Variants in PDC observed in about 807,000 individuals in gnomAD.
The protein encoded by PDC is 33 kDa phototransducing protein.
In PDC, 19 loss-of-function variants were observed where a neutral mutation model predicts 22.2. The observed-to-expected ratio is 0.86, with a 90% CI of 0.60 to 1.26. The LOEUF (loss-of-function observed/expected upper bound fraction) is 1.26, where lower values mean the gene tolerates loss of function less well. PDC is among the 50% of genes most tolerant of loss of function. The pLI is 0.00. For missense variants in PDC, 274 were observed against 286.8 expected, an observed-to-expected ratio of 0.96 and a Z score of 0.32; for synonymous variants, 97 against 96.2, an observed-to-expected ratio of 1.01 and a Z score of -0.05.
At chr1:186,459,744 G>GTA (rs1283671663) in intron 1 of PDC, among the ~76,000 whole-genome samples, 2 of 50,864 alleles carry the variant, frequency 3.9e-5, no homozygotes, top group Non-Finnish European at 7.0e-5. Flanking sequence ...GACAATATGT[G>GTA]TGTGTGTGTA....
intron 1 of PDC, chr1:186,451,779 G>A (rs1350821409): frequency 6.6e-6 from 1 of 152,132 alleles, no homozygotes; most frequent in Non-Finnish European, 1.5e-5. Context: ...AGTTACTTAG[G>A]ACAAAATGTA....
chr1:186,448,228 A>G (rs976039618), intron 2 of PDC, among the ~76,000 whole-genome samples: 2 of 152,230 alleles, frequency 1.3e-5, no homozygotes, highest in South Asian at 2.1e-4. Context: ...GGTTGCCTGT[A>G]CAGAGATTGT....
chr1:186,452,453 G>A (rs979862476), intron 1 of PDC, among the ~76,000 whole-genome samples: 2 of 152,092 alleles, frequency 1.3e-5, no homozygotes, highest in Non-Finnish European at 2.9e-5. Context: ...GTCCAGGCTG[G>A]TCTCGATCGC....
Position 186,446,594 on chromosome 1 carries a change from A to C in PDC, c.62-17T>G. 2 of 1,455,078 alleles carry C rather than the reference A, an allele frequency of 1.4e-6. No homozygotes were observed. Among genetic ancestry groups the C allele is most frequent in the Non-Finnish European group, 1.9e-6 (2 of 1,059,754 alleles). 90.1% of individuals were successfully genotyped at this position (1,455,078 alleles called of 1,614,324 possible). ...CTTTGGGTCCTGGAATGAAATTAAA[A>C]ATAAATTGTTTTCCTTTTTATTTTC... On this transcript the variant is annotated splice_polypyrimidine_tract_variant and intron_variant, in intron 2 of 3. Transcript: ENST00000391997.
chr1:186,449,004 T>A (rs1662293151), intron 2 of PDC, among the ~76,000 whole-genome samples: 1 of 152,140 alleles, frequency 6.6e-6, no homozygotes, highest in South Asian at 2.1e-4. Flanking sequence ...TATCATTCCC[T>A]TTATTAGATG....
intron 1 of PDC, among the ~76,000 whole-genome samples, chr1:186,460,101 A>G (rs1662552624): frequency 6.6e-6 from 1 of 152,168 alleles, no homozygotes. Context: ...CGCCACAACA[A>G]CATACTACTA....
chr1:186,445,431 T>C lies in PDC; in HGVS notation c.214-925A>G, dbSNP rs1334102906. ...ATTTAAGTTAAGTAAAAGTTTATGA[T>C]GCTTTCATTACTTCTTTCTTTTGCT... On this transcript the variant is annotated intron_variant, in intron 3 of 3. Coordinates refer to ENST00000391997, the MANE Select transcript of PDC (RefSeq NM_002597.5). Among the ~76,000 whole-genome samples, 9 of 152,236 alleles carry C rather than the reference T, an allele frequency of 5.9e-5. 1 individual carries two copies. Among genetic ancestry groups the C allele is most frequent in the African/African-American group, 2.2e-4 (9 of 41,462 alleles).
intron 1 of PDC, among the ~76,000 whole-genome samples, chr1:186,453,810 T>G (rs1287387433): frequency 1.3e-5 from 2 of 151,568 alleles, no homozygotes; most frequent in Non-Finnish European, 2.9e-5. Context: ...TTATCCTTGT[T>G]TTTCAGAGGT....
chr1:186,443,746 C>T lies in PDC; in HGVS notation c.*233G>A, dbSNP rs905351755. ...AAAATGTCATAATATTATCCACATCCTCTTTGTCTACTAATAATGTTGCTG... is the reference window on the plus strand; with the variant it reads ...AAAATGTCATAATATTATCCACATCTTCTTTGTCTACTAATAATGTTGCTG... On this transcript the variant is annotated 3_prime_UTR_variant, in exon 4 of 4. Coordinates refer to ENST00000391997, the MANE Select transcript of PDC (RefSeq NM_002597.5). 1.6e-5 allele frequency: 7 copies of T among 440,678 alleles called. No individual in the cohort carries two copies. Among genetic ancestry groups the T allele is most frequent in the African/African-American group, 1.2e-4 (6 of 50,526 alleles). The allele number at this position is 440,678 out of a possible 1,614,324, so 27.3% of individuals were successfully genotyped here.
rs754321407 is a variant in PDC, at chr1:186,449,473, T to C, written c.-14A>G. On this transcript the variant is annotated 5_prime_UTR_variant, in exon 2 of 4. Transcript: ENST00000391997. ...GGCTTCTTCCATTTTAGGGACTGGA[T>C]TTGATATAATCTATAGGAGGAACAA... The C allele has an allele frequency of 1.6e-5, 25 of 1,546,536 alleles. No individual in the cohort carries two copies. The South Asian group carries it at 2.6e-4, about 16-fold the overall frequency.
At chr1:186,449,167 A>G (rs930995220) in intron 2 of PDC, among the ~76,000 whole-genome samples, 2 of 152,098 alleles carry the variant, frequency 1.3e-5, no homozygotes, top group Non-Finnish European at 2.9e-5. Context: ...GCAGCAAGAA[A>G]TTACCAGTAA....
chr1:186,452,844 T>C (rs962425120), intron 1 of PDC, among the ~76,000 whole-genome samples: 1 of 152,156 alleles, frequency 6.6e-6, no homozygotes, highest in African/African-American at 2.4e-5. Context: ...AAGGTAAAAA[T>C]CTTGCCTTCA....
At chr1:186,454,925 A>T (rs1371585378) in intron 1 of PDC, among the ~76,000 whole-genome samples, 1 of 152,216 alleles carries the variant, frequency 6.6e-6, no homozygotes, top group Non-Finnish European at 1.5e-5. Flanking sequence ...GCTTTTTATG[A>T]TCTAGCCCAA....
At chr1:186,452,273 CT>C (rs555274755) in intron 1 of PDC, among the ~76,000 whole-genome samples, 40 of 152,282 alleles carry the variant, frequency 2.6e-4, no homozygotes, top group Non-Finnish European at 4.6e-4. Flanking sequence ...GAATCTCACT[CT>C]GTTGCCCAGG....
chr1:186,460,354 A>G (rs1004521735), intron 1 of PDC, among the ~76,000 whole-genome samples: 6 of 152,204 alleles, frequency 3.9e-5, no homozygotes, highest in Non-Finnish European at 7.3e-5. Context: ...TGTATACCAT[A>G]TCCACACCAT....
chr1:186,445,124 C>G (rs1362347135), intron 3 of PDC, among the ~76,000 whole-genome samples: 1 of 152,082 alleles, frequency 6.6e-6, no homozygotes, highest in African/African-American at 2.4e-5. Flanking sequence ...TCCATAATAG[C>G]TACTCCATTA....
Position 186,451,281 on chromosome 1 carries a change from A to G in PDC, c.-24-1798T>C, listed in dbSNP as rs189269070. On this transcript the variant is annotated intron_variant, in intron 1 of 3. Transcript: ENST00000391997. ...TCAATTTCACAATGTTTAGGTAAGT[A>G]TAAATGTAATAAAGAATATTACATT... is the stretch of plus-strand genomic sequence containing the variant. 4.1e-4 allele frequency: 62 copies of G among 152,354 alleles called. 1 individual carries two copies. The highest frequency in any genetic ancestry group is 1.3e-3 in the African/African-American group (53 of 41,576). 9.4% of individuals were successfully genotyped at this position (152,354 alleles called of 1,614,324 possible).
intron 2 of PDC, 115 bp downstream of exon 2, chr1:186,449,284 C>A: frequency 2.1e-6 from 1 of 475,934 alleles, no homozygotes; most frequent in East Asian, 3.4e-5. Flanking sequence ...ATTAGCATAA[C>A]AATTTATATA....
chr1:186,445,751 G>T (rs963502785), intron 3 of PDC, among the ~76,000 whole-genome samples: 1 of 151,986 alleles, frequency 6.6e-6, no homozygotes, highest in Non-Finnish European at 1.5e-5. Context: ...CCAAGATTGC[G>T]CCACTGCACT....
Sources: gnomAD v4.1 joint callset for allele counts (sites outside exome capture counted in the v4.1 genomes callset) on GRCh38, gnomAD v4.1.1 for gene constraint, MANE v1.5 for transcripts, NCBI Gene and HGNC (gene_info 2026-07-23, HGNC 2026-07-21) for gene names.